The following RSPO4 variants were observed in gnomAD, a reference collection of about 807,000 sequenced individuals.
The protein encoded by RSPO4 is R-spondin-4.
A neutral mutation model predicts 24.8 loss-of-function variants in RSPO4; 23 were observed. The ratio of observed to expected loss-of-function variants is 0.93; its 90% confidence interval spans 0.67 to 1.31. The LOEUF is 1.31. Among genes scored for constraint, RSPO4 ranks in the 40% most tolerant of loss-of-function variants. The pLI is 0.00. For missense variants in RSPO4, 333 were observed against 316.5 expected, an observed-to-expected ratio of 1.05 and a Z score of -0.39; for synonymous variants, 141 against 127.4, an observed-to-expected ratio of 1.11 and a Z score of -0.72.
intron 1 of RSPO4, among the ~76,000 whole-genome samples, chr20:997,119 T>C (rs954052672): frequency 6.6e-6 from 1 of 152,158 alleles, no homozygotes; most frequent in Non-Finnish European, 1.5e-5. Flanking sequence ...GTCTGGGAAA[T>C]AGGCATAACA....
intron 1 of RSPO4, among the ~76,000 whole-genome samples, chr20:992,013 G>A (rs910118434): frequency 2.0e-5 from 3 of 146,636 alleles, no homozygotes; most frequent in Admixed American, 7.2e-5. Flanking sequence ...AATGACGGGG[G>A]TGGTGTAGGG....
chr20:993,475 C>T (rs1452656517), intron 1 of RSPO4, among the ~76,000 whole-genome samples: 1 of 152,188 alleles, frequency 6.6e-6, no homozygotes, highest in Non-Finnish European at 1.5e-5. Context: ...CCCACAGAGA[C>T]CTGGGAGCAC....
intron 1 of RSPO4, among the ~76,000 whole-genome samples, chr20:997,594 C>G (rs529059054): frequency 5.3e-5 from 8 of 152,294 alleles, no homozygotes; most frequent in African/African-American, 1.9e-4. Flanking sequence ...GCATCTAAAC[C>G]TGGCTTCACC....
rs957565021 is a variant in RSPO4 at position 963,932 on chromosome 20, C to A, written c.595+3G>T. ...AGCCTCGTGTGCCTGTCCTGGGGCT[C>A]ACCTCCTGGGCAGGGCCTCTGGATG... On this transcript the variant is annotated splice_donor_region_variant and intron_variant, in intron 4 of 4. Transcript: ENST00000217260. 5 of 1,613,598 alleles carry A rather than the reference C, an allele frequency of 3.1e-6. No individual in the cohort carries two copies. The Admixed American group carries it at 8.3e-5, about 27-fold the overall frequency.
chr20:979,203 C>T (rs979714100), intron 1 of RSPO4, among the ~76,000 whole-genome samples: 4 of 152,184 alleles, frequency 2.6e-5, no homozygotes, highest in African/African-American at 9.7e-5. Flanking sequence ...TTCCCCACCA[C>T]TCACCTTCCC....
intron 3 of RSPO4, among the ~76,000 whole-genome samples, chr20:965,183 C>G (rs370134628): frequency 6.7e-6 from 1 of 150,280 alleles, no homozygotes; most frequent in African/African-American, 2.4e-5. Flanking sequence ...GTGCAGGCAC[C>G]GTGGGAGCCC....
At chr20:962,542 C>T (rs1460036156) in intron 4 of RSPO4, among the ~76,000 whole-genome samples, 2 of 152,182 alleles carry the variant, frequency 1.3e-5, no homozygotes, top group African/African-American at 4.8e-5. Context: ...GAACTGTCTG[C>T]CTCCTGTGTG....
intron 1 of RSPO4, among the ~76,000 whole-genome samples, chr20:982,304 T>A (rs1984762002): frequency 6.6e-6 from 1 of 152,194 alleles, no homozygotes; most frequent in Admixed American, 6.5e-5. Context: ...TACAAAACTG[T>A]CTTGTGTGTG....
At chr20:978,561 G>A (rs6077478) in intron 1 of RSPO4, among the ~76,000 whole-genome samples, 1 of 152,064 alleles carries the variant, frequency 6.6e-6, no homozygotes, top group Non-Finnish European at 1.5e-5. Flanking sequence ...GCTCAATAAA[G>A]GTTCTCAAAA....
intron 1 of RSPO4, among the ~76,000 whole-genome samples, chr20:988,981 T>C (rs1985008371): frequency 6.6e-6 from 1 of 152,300 alleles, no homozygotes; most frequent in East Asian, 1.9e-4. Flanking sequence ...CCTTGACCTC[T>C]TGTTGCCTCT....
intron 3 of RSPO4, among the ~76,000 whole-genome samples, chr20:964,709 CATATATATATACACATATATAT>C (rs1984125634): frequency 2.0e-5 from 3 of 146,416 alleles, no homozygotes; most frequent in African/African-American, 8.0e-5. Flanking sequence ...CACACACACA[CATATATATATACACATATATAT>C]ACACACACAC....
intron 1 of RSPO4, among the ~76,000 whole-genome samples, chr20:977,275 T>C (rs1475321631): frequency 6.6e-6 from 1 of 152,230 alleles, no homozygotes; most frequent in Non-Finnish European, 1.5e-5. Flanking sequence ...TGACCTTTGC[T>C]GGTCCTGGGC....
At position 968,059 on chromosome 20, in the gene RSPO4, C is replaced by G. The variant is rs371949198; in HGVS notation, c.159G>C (p.Arg53Ser). The G allele has an allele frequency of 6.2e-7, 1 of 1,614,194 alleles. No homozygotes were observed. The highest frequency in any genetic ancestry group is 2.2e-5 in the East Asian group (1 of 44,886). The change falls in exon 2 of 5, where the codon AGG (arginine) becomes AGC (serine). Residue 53 changes from arginine (R) to serine (S), a missense_variant. Coordinates refer to ENST00000217260, the MANE Select transcript of RSPO4 (RefSeq NM_001029871.4). The part of the protein sequence containing the change: ...EENGCSTCQQ[R>S]LFLFIRREGI... The stretch of plus-strand genomic sequence containing the variant: ...CTTCCCGGCGGATGAACAGGAAGAG[C>G]CTCTGCTGGCAGGTGGAACAGCCGT...
intron 2 of RSPO4, 116 bp from the exon 3 acceptor site, chr20:967,430 A>T: frequency 9.2e-7 from 1 of 1,090,254 alleles, no homozygotes; most frequent in South Asian, 1.3e-5. Flanking sequence ...CATTTGGGTC[A>T]GGACTCAGTG....
At chr20:978,718 AG>A (rs1229853082) in intron 1 of RSPO4, among the ~76,000 whole-genome samples, 7 of 152,090 alleles carry the variant, frequency 4.6e-5, no homozygotes, top group African/African-American at 1.7e-4. Context: ...TGGAGACATC[AG>A]GGGTGGTTTT....
At chr20:985,114 T>A (rs1049582659) in intron 1 of RSPO4, among the ~76,000 whole-genome samples, 5 of 127,840 alleles carry the variant, frequency 3.9e-5, no homozygotes, top group Non-Finnish European at 8.0e-5. Flanking sequence ...TATCCATCCA[T>A]CCATCCACCC....
chr20:988,751 A>ATG (rs1294903027), intron 1 of RSPO4, among the ~76,000 whole-genome samples: 1 of 152,086 alleles, frequency 6.6e-6, no homozygotes, highest in Admixed American at 6.5e-5. Flanking sequence ...GGGTTTCACC[A>ATG]TGTTAGTCAG....
chr20:968,281 CT>C, intron 1 of RSPO4, 143 bp from the exon 2 acceptor site: 1 of 709,248 alleles, frequency 1.4e-6, no homozygotes, highest in Non-Finnish European at 2.4e-6. Context: ...CCCACCTTCC[CT>C]TACAACTAGA....
At position 970,625 on chromosome 20, in the gene RSPO4, A is replaced by G. The variant is rs1265127826; in HGVS notation, c.80-2487T>C. Among the ~76,000 whole-genome samples the G allele has an allele frequency of 1.3e-5, 2 of 152,164 alleles. No individual in the cohort carries two copies. Among genetic ancestry groups the G allele is most frequent in the African/African-American group, 2.4e-5 (1 of 41,436 alleles). On this transcript the variant is annotated intron_variant, in intron 1 of 4. Transcript: ENST00000217260. This position sits in a 1 kb window ranked among gnomAD's most constrained non-coding sequence, Gnocchi z 4.1. Reference sequence around the variant, plus strand: ...GTGTGATGTTGTAAGGGAGATTCCCAGAGCCAGAGAAATAAGAACATCCAC... The same window carrying G: ...GTGTGATGTTGTAAGGGAGATTCCCGGAGCCAGAGAAATAAGAACATCCAC...
Sources: gnomAD v4.1 joint callset for allele counts (sites outside exome capture counted in the v4.1 genomes callset) on GRCh38, gnomAD v4.1.1 for gene constraint, Gnocchi (gnomAD v3.1) non-coding constraint, MANE v1.5 for transcripts, NCBI Gene and HGNC (gene_info 2026-07-23, HGNC 2026-07-21) for gene names.